Variants in RPS6KA5 observed in about 807,000 individuals in gnomAD.
RPS6KA5 encodes ribosomal protein S6 kinase alpha-5.
Under a neutral mutation model 85.5 loss-of-function variants are expected in RPS6KA5, and 27 were observed. That is an observed-to-expected ratio of 0.32 (90% confidence interval 0.23 to 0.44). The LOEUF is 0.44. Ranked by LOEUF, RPS6KA5 falls within the 20% of genes least tolerant of loss-of-function variation. The probability of loss-of-function intolerance (pLI) is 1.00; values close to 1 mark genes in which losing one functional copy is unlikely to be tolerated. For synonymous variants in RPS6KA5, 334 were observed against 348.2 expected (o/e 0.96, Z 0.46); for missense variants, 811 against 980.9 (o/e 0.83, Z 2.31).
chr14:90,883,599 T>TTG (rs1304582124), intron 14 of RPS6KA5, among the ~76,000 whole-genome samples: 4 of 152,234 alleles, frequency 2.6e-5, no homozygotes, highest in African/African-American at 9.6e-5. Context: ...TTTTAAGTCT[T>TTG]TGTCTAGGTG....
At chr14:90,987,790 A>T (rs1398277425) in intron 2 of RPS6KA5, among the ~76,000 whole-genome samples, 1 of 152,226 alleles carries the variant, frequency 6.6e-6, no homozygotes, top group Non-Finnish European at 1.5e-5. Flanking sequence ...CAAGGTAGAC[A>T]CAAATGGTTA....
intron 1 of RPS6KA5, among the ~76,000 whole-genome samples, chr14:91,003,960 T>C (rs2040894808): frequency 6.6e-6 from 1 of 152,258 alleles, no homozygotes; most frequent in South Asian, 2.1e-4. Flanking sequence ...AAGTAAGTCC[T>C]TAAGCAGGTC....
chr14:90,991,355 A>T (rs1214579788), intron 2 of RPS6KA5, among the ~76,000 whole-genome samples: 1 of 152,124 alleles, frequency 6.6e-6, no homozygotes, highest in Non-Finnish European at 1.5e-5. Context: ...AGAAAAGGTA[A>T]ATCCAAGGAT....
intron 1 of RPS6KA5, among the ~76,000 whole-genome samples, chr14:91,011,474 A>C (rs937948618): frequency 2.0e-5 from 3 of 152,044 alleles, no homozygotes; most frequent in African/African-American, 4.8e-5. Context: ...GACAGAGTAA[A>C]ACTCTGTCCC....
At chr14:90,953,450 T>G (rs1056692353) in intron 3 of RPS6KA5, among the ~76,000 whole-genome samples, 1 of 152,172 alleles carries the variant, frequency 6.6e-6, no homozygotes, top group Non-Finnish European at 1.5e-5. Context: ...GTTTGAACAA[T>G]ATGAAATCAG....
Position 90,871,912 on chromosome 14 carries a change from C to T in RPS6KA5, c.*162G>A. On this transcript the variant is annotated 3_prime_UTR_variant, in exon 17 of 17. Coordinates refer to ENST00000614987, the MANE Select transcript of RPS6KA5 (RefSeq NM_004755.4). ...TCACAGTAACATTCTCTGTCCAGTG[C>T]TTTTGAATGAGGATAACCAAACAGG... The T allele has an allele frequency of 1.2e-6, 1 of 863,426 alleles. No individual in the cohort carries two copies. The allele number at this position is 863,426 out of a possible 1,614,324, so 53.5% of individuals were successfully genotyped here.
rs542969682 is a variant in RPS6KA5, at chr14:90,998,116, C to T, written c.175+2972G>A. On this transcript the variant is annotated intron_variant, in intron 2 of 16. Transcript: ENST00000614987. ...AAGAAGCTGGTCACCAGGGACTACA[C>T]ATTTGTATGTTTACCTTTATATGAA... 9.3e-5 allele frequency among the ~76,000 whole-genome samples: 14 copies of T among 150,712 alleles called. No homozygotes were observed. The South Asian group carries it at 2.9e-3, about 32-fold the overall frequency.
intron 3 of RPS6KA5, among the ~76,000 whole-genome samples, chr14:90,953,653 C>A (rs531356164): frequency 6.3e-4 from 96 of 152,124 alleles, no homozygotes; most frequent in African/African-American, 2.3e-3. Context: ...GTAATTAATA[C>A]CCTGGGGAAG....
At chr14:91,024,193 C>T (rs1414342914) in intron 1 of RPS6KA5, among the ~76,000 whole-genome samples, 1 of 152,106 alleles carries the variant, frequency 6.6e-6, no homozygotes, top group Non-Finnish European at 1.5e-5. Flanking sequence ...ATTTCTGATA[C>T]AATTCTGTCT....
At chr14:90,968,335 G>A (rs1186753986) in intron 3 of RPS6KA5, among the ~76,000 whole-genome samples, 1 of 152,008 alleles carries the variant, frequency 6.6e-6, no homozygotes, top group Non-Finnish European at 1.5e-5. Flanking sequence ...GGACCCTTGT[G>A]GTTACATTGG....
intron 2 of RPS6KA5, among the ~76,000 whole-genome samples, chr14:90,984,496 C>T (rs943918524): frequency 6.6e-6 from 1 of 152,200 alleles, no homozygotes; most frequent in Non-Finnish European, 1.5e-5. Context: ...TTATGAAGGT[C>T]GCTTCTGTTC....
At chr14:90,932,721 A>G (rs1595253883) in intron 5 of RPS6KA5, among the ~76,000 whole-genome samples, 1 of 152,290 alleles carries the variant, frequency 6.6e-6, no homozygotes, top group South Asian at 2.1e-4. Flanking sequence ...CTACTCGTTA[A>G]GCACTAGTAG....
At chr14:90,966,543 G>GA (rs1383936184) in intron 3 of RPS6KA5, among the ~76,000 whole-genome samples, 1 of 152,212 alleles carries the variant, frequency 6.6e-6, no homozygotes, top group Non-Finnish European at 1.5e-5. Flanking sequence ...TTAAGCTTTA[G>GA]AGAGTACAGT....
chr14:90,947,263 G>C (rs893322783), intron 4 of RPS6KA5, among the ~76,000 whole-genome samples, 172 bp downstream of exon 4: 1 of 152,174 alleles, frequency 6.6e-6, no homozygotes, highest in African/African-American at 2.4e-5. Flanking sequence ...CAATTGGAAA[G>C]TAGATTTTTT....
At chr14:90,902,205 C>T (rs2035208751) in intron 9 of RPS6KA5, among the ~76,000 whole-genome samples, 1 of 144,492 alleles carries the variant, frequency 6.9e-6, no homozygotes, top group Non-Finnish European at 1.5e-5. Context: ...ATTTTTTTGG[C>T]TGGACGTGGT....
intron 14 of RPS6KA5, among the ~76,000 whole-genome samples, chr14:90,885,532 G>A (rs1286256): frequency 0.012 from 1,186 of 98,812 alleles, 26 homozygotes; most frequent in African/African-American, 0.048. Flanking sequence ...CAGCCTGGGC[G>A]ACAGAGCGAG....
At chr14:90,890,722 C>T in intron 13 of RPS6KA5, 44 bp from the exon 14 acceptor site, 2 of 1,523,368 alleles carry the variant, frequency 1.3e-6, no homozygotes, top group Non-Finnish European at 1.8e-6. Context: ...CTAGGCATGT[C>T]TTGGGAATTG....
chr14:90,943,114 T>C lies in RPS6KA5; in HGVS notation c.582A>G (p.Thr194=). ...CAAACTCCTTACTCAGACCAAAATC[T>C]GTCAGCACCACATGGCCATTAGAAT... ...LLDSNGHVVL[T]DFGLSKEFVA... The change falls in exon 5 of 17, where the codon ACA becomes ACG. Residue 194 remains threonine, a synonymous_variant. Transcript: ENST00000614987. 6.2e-7 allele frequency: 1 copy of C among 1,612,856 alleles called. No individual in the cohort carries two copies. The highest frequency in any genetic ancestry group is 8.5e-7 in the Non-Finnish European group (1 of 1,179,022).
At chr14:91,001,001 A>C in intron 2 of RPS6KA5, 87 bp downstream of exon 2, 1 of 719,932 alleles carries the variant, frequency 1.4e-6, no homozygotes, top group Non-Finnish European at 2.3e-6. Context: ...TTTAAATTTT[A>C]ATTTCTGTAT....
Sources: gnomAD v4.1 joint callset for allele counts (sites outside exome capture counted in the v4.1 genomes callset) on GRCh38, gnomAD v4.1.1 for gene constraint, MANE v1.5 for transcripts, NCBI Gene and HGNC (gene_info 2026-07-23, HGNC 2026-07-21) for gene names.